The following CTBP2 variants were observed in gnomAD, a reference collection of about 807,000 sequenced individuals.
CTBP2 encodes the protein C-terminal-binding protein 2.
Under a neutral mutation model 80.3 loss-of-function variants are expected in CTBP2, and 30 were observed. The ratio of observed to expected loss-of-function variants is 0.37; its 90% CI spans 0.28 to 0.51. The LOEUF (loss-of-function observed/expected upper bound fraction) is 0.51, where lower values mean the gene tolerates loss of function less well. Among genes scored for constraint, CTBP2 ranks in the 20% least tolerant of loss-of-function variants. The pLI is 0.93. For synonymous variants in CTBP2, 594 were observed against 587.4 expected (o/e 1.01, Z -0.16); for missense variants, 1,212 against 1,375.3 (o/e 0.88, Z 1.88).
At chr10:125,022,690 A>G (rs3781417) in intron 1 of CTBP2, among the ~76,000 whole-genome samples, 13,034 of 152,262 alleles carry the variant, frequency 0.086, 751 homozygotes, top group Admixed American at 0.17. Flanking sequence ...AGCACACAGG[A>G]AGGGCTGGAC....
At position 125,010,536 on chromosome 10, in the gene CTBP2, G is replaced by A. The variant is rs74163303; in HGVS notation, c.1679-7044C>T. 5.9e-3 allele frequency among the ~76,000 whole-genome samples: 895 copies of A among 152,284 alleles called. 13 individuals carry two copies. The highest frequency in any genetic ancestry group is 0.02 in the African/African-American group (845 of 41,546). On this transcript the variant is annotated intron_variant, in intron 1 of 8. Coordinates refer to ENST00000309035, the MANE Select transcript of CTBP2 (RefSeq NM_022802.3). Reference sequence around the variant, plus strand: ...TCCTCCCACCATGCAATGCAAATGCGCAACCCTTATCTCTCTTTCTGCATT... The same window carrying A: ...TCCTCCCACCATGCAATGCAAATGCACAACCCTTATCTCTCTTTCTGCATT...
chr10:125,019,967 G>C (rs1481284050), intron 1 of CTBP2, among the ~76,000 whole-genome samples: 1 of 152,124 alleles, frequency 6.6e-6, no homozygotes, highest in African/African-American at 2.4e-5. Flanking sequence ...GCTGAAATGT[G>C]ACTTGTGGAG....
upstream of CTBP2, among the ~76,000 whole-genome samples, chr10:125,032,393 G>A (rs182331524): frequency 5.9e-5 from 9 of 152,310 alleles, no homozygotes; most frequent in Middle Eastern, 3.4e-3. Flanking sequence ...GCTGTCCTGC[G>A]ATCAGAAGGT....
chr10:125,129,848 C>T (rs995516082), intron 1 of CTBP2, among the ~76,000 whole-genome samples: 6 of 152,228 alleles, frequency 3.9e-5, no homozygotes, highest in Middle Eastern at 3.4e-3. Context: ...CAACCTCTGC[C>T]CGTGAGCTCA....
At chr10:125,152,472 A>T (rs1860168558) in intron 1 of CTBP2, among the ~76,000 whole-genome samples, 1 of 152,250 alleles carries the variant, frequency 6.6e-6, no homozygotes, top group Non-Finnish European at 1.5e-5. Context: ...CGCGAGTCAC[A>T]GGAACAAGGA....
chr10:124,994,365 G>T, intron 5 of CTBP2, 104 bp downstream of exon 7: 1 of 1,122,434 alleles, frequency 8.9e-7, no homozygotes, highest in Non-Finnish European at 1.3e-6. Flanking sequence ...GCTCAACAGT[G>T]TATCCAGAAA....
intron 1 of CTBP2, among the ~76,000 whole-genome samples, chr10:125,143,901 G>A (rs1407737530): frequency 6.6e-6 from 1 of 152,096 alleles, no homozygotes; most frequent in Non-Finnish European, 1.5e-5. Context: ...CAAGCTCCTT[G>A]CACAGAGGCC....
At chr10:125,044,321 G>A (rs1960673693) in intron 2 of CTBP2, among the ~76,000 whole-genome samples, 2 of 152,352 alleles carry the variant, frequency 1.3e-5, no homozygotes, top group East Asian at 1.9e-4. Context: ...ACACATAGCC[G>A]AGGATCCTGC....
In CTBP2 at chr10:124,998,001, G is replaced by A; in HGVS notation, c.2148C>T (p.Ala716=). 3 of 1,612,994 alleles carry A rather than the reference G, an allele frequency of 1.9e-6. No homozygotes were observed. Among genetic ancestry groups the A allele is most frequent in the South Asian group, 1.1e-5 (1 of 91,066 alleles). Reference sequence around the variant, plus strand: ...GGCCCAGCGTCTCCCCACGGATGCGGGCCGCTCCCGAGGCCACCTCGCGGA... The same window carrying A: ...GGCCCAGCGTCTCCCCACGGATGCGAGCCGCTCCCGAGGCCACCTCGCGGA... The change falls in exon 4 of 9, where the codon GCC becomes GCT. Residue 716 remains alanine, a synonymous_variant. Coordinates refer to ENST00000309035, the MANE Select transcript of CTBP2 (RefSeq NM_022802.3).
intron 5 of CTBP2, 103 bp from the exon 8 acceptor site, chr10:124,994,088 G>T: frequency 6.8e-7 from 1 of 1,469,080 alleles, no homozygotes; most frequent in South Asian, 1.3e-5. Context: ...TGTTGGTCTG[G>T]TGGTTTAATG....
chr10:125,033,850 T>C (rs2134861302), intron 3 of CTBP2, among the ~76,000 whole-genome samples: 1 of 150,662 alleles, frequency 6.6e-6, no homozygotes, highest in East Asian at 2.0e-4. Flanking sequence ...CTGTGGGAGG[T>C]TTCAACTCAA....
intron 1 of CTBP2, among the ~76,000 whole-genome samples, chr10:125,113,034 G>C (rs1328073734): frequency 6.6e-6 from 1 of 152,174 alleles, no homozygotes; most frequent in African/African-American, 2.4e-5. Flanking sequence ...AACTACTCAG[G>C]AAAAGCATGG....
chr10:125,041,591 C>T (rs930011199), intron 2 of CTBP2, among the ~76,000 whole-genome samples: 3 of 147,740 alleles, frequency 2.0e-5, no homozygotes, highest in African/African-American at 7.6e-5. Flanking sequence ...CAGGCGCAAG[C>T]TCTGATGGTC....
chr10:125,041,206 T>G (rs922692085), intron 2 of CTBP2, among the ~76,000 whole-genome samples: 1 of 152,268 alleles, frequency 6.6e-6, no homozygotes. Flanking sequence ...CTCACCTCCT[T>G]AATAGGTGGT....
Position 124,989,435 on chromosome 10 carries a change from G to C in CTBP2, c.*83C>G. On this transcript the variant is annotated 3_prime_UTR_variant, in exon 9 of 9. Coordinates refer to ENST00000309035, the MANE Select transcript of CTBP2 (RefSeq NM_022802.3). ...CCAGAATCAGTTACAAAGACCATCC[G>C]ATTCTTTTTCTCTTAGTTCATCTAT... 1 of 1,358,680 alleles carries C rather than the reference G, an allele frequency of 7.4e-7. No individual in the cohort carries two copies. Among genetic ancestry groups the C allele is most frequent in the South Asian group, 1.2e-5 (1 of 85,630 alleles). 84.2% of individuals were successfully genotyped at this position (1,358,680 alleles called of 1,614,324 possible).
chr10:124,988,594 GA>G lies in CTBP2; in HGVS notation c.*923del, dbSNP rs1952170689. 1 of 152,610 alleles carries G rather than the reference GA, an allele frequency of 6.6e-6. No individual in the cohort carries two copies. The highest frequency in any genetic ancestry group is 1.5e-5 in the Non-Finnish European group (1 of 68,030). The allele number at this position is 152,610 out of a possible 1,614,324, so 9.5% of individuals were successfully genotyped here. A position where few individuals can be genotyped will look rare whatever the true frequency, so the allele number is the denominator to read the frequency against. ...CTATGAATAGAACATGTAACTAGTT[GA>G]TACAAATCTAATAGGATTTGTTAAA... On this transcript the variant is annotated 3_prime_UTR_variant, in exon 9 of 9. Coordinates refer to ENST00000309035, the MANE Select transcript of CTBP2 (RefSeq NM_022802.3).
Position 125,074,578 on chromosome 10 carries a change from T to C in CTBP2, c.-101-35423A>G, listed in dbSNP as rs552699865. Among the ~76,000 whole-genome samples, 3 of 152,304 alleles carry C rather than the reference T, an allele frequency of 2.0e-5. No individual in the cohort carries two copies. The East Asian group carries it at 5.8e-4, about 29-fold the overall frequency. On this transcript the variant is annotated intron_variant, in intron 2 of 10. Coordinates refer to the CTBP2 transcript ENST00000337195. ...CGTGGCTGGTCTCAAACTCCTGACT[T>C]CAGGTGATCCGCCCGCCTCGGCCTC...
intron 2 of CTBP2, among the ~76,000 whole-genome samples, chr10:125,099,097 GTACGCACAGGT>G (rs1315507325): frequency 2.6e-5 from 4 of 152,216 alleles, no homozygotes; most frequent in Non-Finnish European, 5.9e-5. Flanking sequence ...GGCACGTTCA[GTACGCACAGGT>G]TTATACCAAC....
At chr10:125,154,546 A>ACC (rs1860578051) in intron 1 of CTBP2, among the ~76,000 whole-genome samples, 1 of 152,272 alleles carries the variant, frequency 6.6e-6, no homozygotes, top group Non-Finnish European at 1.5e-5. Flanking sequence ...TGTTAAATTT[A>ACC]GTTAGGTAAA....
Sources: allele counts gnomAD v4.1 joint callset (sites outside exome capture counted in the v4.1 genomes callset), GRCh38; gene constraint gnomAD v4.1.1; transcripts MANE v1.5; gene names NCBI Gene and HGNC (gene_info 2026-07-23, HGNC 2026-07-21).